The following WDR62 variants were observed in gnomAD, a reference collection of about 807,000 sequenced individuals.
WDR62 encodes the protein WD repeat-containing protein 62.
Under a neutral mutation model 160.6 loss-of-function variants are expected in WDR62, and 112 were observed. The ratio of observed to expected loss-of-function variants is 0.70; its 90% confidence interval spans 0.60 to 0.82. The LOEUF (loss-of-function observed/expected upper bound fraction) is 0.82, where lower values mean the gene tolerates loss of function less well. Ranked by LOEUF, WDR62 falls within the 40% of genes least tolerant of loss-of-function variation. WDR62 has a pLI of 0.00. For missense variants in WDR62, 1,819 were observed against 1,983.8 expected (o/e 0.92, Z 1.58); for synonymous variants, 792 against 815.1 (o/e 0.97, Z 0.48).
chr19:36,082,910 G>A (rs1388519160), intron 10 of WDR62, among the ~76,000 whole-genome samples, 153 bp from the exon 11 acceptor site: 3 of 152,202 alleles, frequency 2.0e-5, no homozygotes, highest in Non-Finnish European at 4.4e-5. Context: ...CTAGCTGCAG[G>A]GGAGGCAAGG....
rs1376474503 is a variant in WDR62 at position 36,089,256 on chromosome 19, T to G, written c.1908T>G (p.Ile636Met). ...AEKTTLYDMD[I>M]DITQKYVAVA... is the part of the protein sequence containing the mutation. The stretch of plus-strand genomic sequence containing the variant: ...AAACCACCTTGTATGACATGGACAT[T>G]GACATCACCCAGAAGTACGTGGCCG... Residue 636 changes from isoleucine (I) to methionine (M), a missense_variant, in exon 15 of 32, where the codon ATT becomes ATG. Physicochemically the swap from Ile to Met is conservative, Grantham distance 10 (BLOSUM62 1). Coordinates refer to ENST00000401500, the MANE Select transcript of WDR62 (RefSeq NM_001083961.2). The G allele has an allele frequency of 6.2e-7, 1 of 1,614,108 alleles. No homozygotes were observed. The highest frequency in any genetic ancestry group is 2.2e-5 in the East Asian group (1 of 44,876).
intron 1 of WDR62, among the ~76,000 whole-genome samples, chr19:36,056,425 A>T (rs1214120518): frequency 6.6e-6 from 1 of 152,060 alleles, no homozygotes; most frequent in African/African-American, 2.4e-5. Flanking sequence ...GAGGCTCCAT[A>T]TTCTTTTCTG....
rs529618229 is a variant in WDR62, at chr19:36,089,439, T to G, written c.1958+133T>G. On this transcript the variant is annotated intron_variant, in intron 15 of 31. Coordinates refer to ENST00000401500, the MANE Select transcript of WDR62 (RefSeq NM_001083961.2). ...GGACCCAGCAGGTGTTCCTTCTTGG[T>G]TTTTTTTTGTTTTTGTTTTTGAGGC... The G allele has an allele frequency of 1.3e-4, 187 of 1,393,868 alleles. 5 individuals carry two copies. In the South Asian group the frequency reaches 1.5e-3, roughly 11 times the overall value. 86.3% of individuals were successfully genotyped at this position (1,393,868 alleles called of 1,614,324 possible). A position where few individuals can be genotyped will look rare whatever the true frequency, so the allele number is the denominator to read the frequency against.
rs1973571049 is a variant in WDR62, at chr19:36,103,926, A to T, written c.4098A>T (p.Pro1366=). The T allele has an allele frequency of 1.9e-6, 3 of 1,599,012 alleles. No homozygotes were observed. Among genetic ancestry groups the T allele is most frequent in the Admixed American group, 1.7e-5 (1 of 60,000 alleles). ...CCCACCCCAGTAACCCCCAGCTTCCAGAGGCCCGGCCTGGCATCCCTGGCG... is the reference window on the plus strand; with the variant it reads ...CCCACCCCAGTAACCCCCAGCTTCCTGAGGCCCGGCCTGGCATCCCTGGCG... ...LPAHPSNPQL[P]EARPGIPGGT... Residue 1366 remains proline, a synonymous_variant, in exon 30 of 32, where the codon CCA becomes CCT. Coordinates refer to ENST00000401500, the MANE Select transcript of WDR62 (RefSeq NM_001083961.2).
intron 3 of WDR62, among the ~76,000 whole-genome samples, chr19:36,063,779 A>G (rs541725175): frequency 1.3e-5 from 2 of 152,282 alleles, no homozygotes; most frequent in Admixed American, 6.5e-5. Flanking sequence ...CTCCACTTCA[A>G]AGCCTCTCTT....
Position 36,092,818 on chromosome 19 carries a change from G to A in WDR62, c.2333+7G>A. ...AGCGGAGTGGCCACCCCAGGTCCTGGCAGCCCCTGCCTGTCCACCAGAGGG... is the reference window on the plus strand; with the variant it reads ...AGCGGAGTGGCCACCCCAGGTCCTGACAGCCCCTGCCTGTCCACCAGAGGG... On this transcript the variant is annotated splice_region_variant and intron_variant, in intron 19 of 31. Transcript: ENST00000401500. The A allele has an allele frequency of 6.2e-7, 1 of 1,613,826 alleles. No individual in the cohort carries two copies. The highest frequency in any genetic ancestry group is 8.5e-7 in the Non-Finnish European group (1 of 1,179,886).
At chr19:36,059,856 C>G (rs1412135512) in intron 2 of WDR62, 112 bp from the exon 3 acceptor site, 1 of 1,122,494 alleles carries the variant, frequency 8.9e-7, no homozygotes, top group Non-Finnish European at 1.4e-6. Context: ...AGGAGGAGAC[C>G]AGAGAGAACC....
rs2055929994 is a variant in WDR62, at chr19:36,071,575, T to A, written c.902T>A (p.Leu301His). ...INLKVSLSSC[L>H]CVSQELIFCG... ...CTACAGGTCTCCCTGTCTTCCTGCC[T>A]CTGTGTCAGCCAGGAGCTCATCTTC... The change falls in exon 8 of 32, where the codon CTC becomes CAC. Residue 301 changes from leucine to histidine, a missense_variant. Around this residue, in one of 3 missense-constraint regions of WDR62, gnomAD observed 934 missense variants for 1,157.2 expected, o/e 0.81. Coordinates refer to ENST00000401500, the MANE Select transcript of WDR62 (RefSeq NM_001083961.2). 6.2e-7 allele frequency: 1 copy of A among 1,614,234 alleles called. No individual in the cohort carries two copies.
In WDR62 at chr19:36,103,147, T is replaced by C. The variant is rs1346976662; in HGVS notation, c.3463-9T>C. 5 of 1,613,934 alleles carry C rather than the reference T, an allele frequency of 3.1e-6. No homozygotes were observed. In the Admixed American group the frequency reaches 6.7e-5, roughly 22 times the overall value. ...AGGCCTTGTCCTCACCTCAGAGCTG[T>C]GCCTGCAGGTCCTCGCTGCAGGGAA... On this transcript the variant is annotated splice_polypyrimidine_tract_variant and intron_variant, in intron 28 of 31. Coordinates refer to ENST00000401500, the MANE Select transcript of WDR62 (RefSeq NM_001083961.2).
At chr19:36,107,070 C>T (rs1973729831), downstream of WDR62, among the ~76,000 whole-genome samples, 1 of 152,206 alleles carries the variant, frequency 6.6e-6, no homozygotes, top group Admixed American at 6.5e-5. Flanking sequence ...TCCTTCCAAC[C>T]TGTATCATAG....
At chr19:36,099,314 C>T in intron 21 of WDR62, 85 bp from the exon 22 acceptor site, 1 of 1,111,898 alleles carries the variant, frequency 9.0e-7, no homozygotes, top group South Asian at 1.3e-5. Flanking sequence ...GCCAAGAGTC[C>T]AGATGGGCTG....
At chr19:36,087,249 G>A (rs1305262005) in intron 13 of WDR62, among the ~76,000 whole-genome samples, 1 of 151,982 alleles carries the variant, frequency 6.6e-6, no homozygotes, top group Non-Finnish European at 1.5e-5. Context: ...GCTCACACCT[G>A]TAATCTCAGC....
chr19:36,069,783 G>A, intron 7 of WDR62, among the ~76,000 whole-genome samples: 1 of 152,378 alleles, frequency 6.6e-6, no homozygotes, highest in African/African-American at 2.4e-5. Context: ...GCGGTTAGGA[G>A]CTGGAGACCA....
intron 9 of WDR62, 26 bp downstream of exon 9, chr19:36,073,557 C>T (rs199608995): frequency 2.3e-5 from 34 of 1,474,976 alleles, no homozygotes; most frequent in South Asian, 1.2e-4. Flanking sequence ...ACCCCCTTGC[C>T]CCTGCTTGGC....
At chr19:36,075,978 C>T (rs1438342326) in intron 9 of WDR62, 1 of 152,154 alleles carries the variant, frequency 6.6e-6, no homozygotes, top group Non-Finnish European at 1.5e-5. Context: ...AATTGGTTCC[C>T]TATCCTCTAA....
At chr19:36,103,228 C>A (rs920932311) in intron 29 of WDR62, 21 bp downstream of exon 29, 1 of 1,613,092 alleles carries the variant, frequency 6.2e-7, no homozygotes, top group Admixed American at 1.7e-5. Context: ...CAGTCCCAGA[C>A]GGACAGTCCT....
chr19:36,088,339 A>C (rs1972380664), intron 13 of WDR62, among the ~76,000 whole-genome samples: 1 of 152,180 alleles, frequency 6.6e-6, no homozygotes, highest in Admixed American at 6.5e-5. Context: ...TAAAAGCAAG[A>C]ATGTTTCTAA....
At chr19:36,094,809 G>A (rs1320812433) in intron 20 of WDR62, among the ~76,000 whole-genome samples, 1 of 151,952 alleles carries the variant, frequency 6.6e-6, no homozygotes, top group Non-Finnish European at 1.5e-5. Flanking sequence ...TGAGGCAGGA[G>A]GATCACTTGA....
In WDR62 at chr19:36,083,097, T is replaced by C. The variant is rs199918878; in HGVS notation, c.1406T>C (p.Ile469Thr). 1.2e-6 allele frequency: 2 copies of C among 1,613,550 alleles called. No homozygotes were observed. The highest frequency in any genetic ancestry group is 4.5e-5 in the East Asian group (2 of 44,882). ...LLKVVYVEND[I>T]QHLQDMSHFP... ...AAGGTCGTGTACGTGGAGAATGACA[T>C]CCAGCACCTGCAGGACATGTCACAC... The change falls in exon 11 of 32, where the codon ATC becomes ACC. Residue 469 changes from isoleucine to threonine, a missense_variant. By Grantham distance (89) the Ile-to-Thr change is moderately conservative. Around this residue, in one of 3 missense-constraint regions of WDR62, gnomAD observed 934 missense variants for 1,157.2 expected, o/e 0.81. Coordinates refer to ENST00000401500, the MANE Select transcript of WDR62 (RefSeq NM_001083961.2).
Sources: gnomAD v4.1 joint callset for allele counts (sites outside exome capture counted in the v4.1 genomes callset) on GRCh38, gnomAD v4.1.1 for gene constraint, gnomAD v4.1.1 regional missense constraint, MANE v1.5 for transcripts, NCBI Gene and HGNC (gene_info 2026-07-23, HGNC 2026-07-21) for gene names.